Variants in ZRANB3 observed in about 807,000 individuals in gnomAD.
The protein encoded by ZRANB3 is DNA annealing helicase and endonuclease ZRANB3.
In ZRANB3, 125 loss-of-function variants were observed where a neutral mutation model predicts 133.8. The observed-to-expected ratio is 0.93, with a 90% CI of 0.81 to 1.08. The LOEUF (loss-of-function observed/expected upper bound fraction) is 1.08. Ranked by LOEUF, ZRANB3 falls within the 50% of genes least tolerant of loss-of-function variation. ZRANB3 has a pLI of 0.00. For synonymous variants in ZRANB3, 387 were observed against 432.7 expected (o/e 0.89, Z 1.31); for missense variants, 1,229 against 1,275.5 (o/e 0.96, Z 0.56).
intron 8 of ZRANB3, among the ~76,000 whole-genome samples, chr2:135,311,448 A>G (rs943559969): frequency 6.6e-5 from 10 of 152,116 alleles, no homozygotes; most frequent in Non-Finnish European, 1.2e-4. Context: ...CACCAGTTCT[A>G]TTTCCAAGTA....
intron 2 of ZRANB3, among the ~76,000 whole-genome samples, chr2:135,433,943 G>A (rs1689423394): frequency 6.6e-6 from 1 of 152,210 alleles, no homozygotes; most frequent in African/African-American, 2.4e-5. Context: ...GTTGCGGTGA[G>A]TTGAGATAGC....
Position 135,450,650 on chromosome 2 carries a change from C to T in ZRANB3, c.161+53679G>A, listed in dbSNP as rs146523665. On this transcript the variant is annotated intron_variant, in intron 2 of 20. Transcript: ENST00000264159. ...GAAAACAAAGAAACAAAAAAAAATG[C>T]AAAATAAACAATGGGTTTTAAGACA... Among the ~76,000 whole-genome samples the T allele has an allele frequency of 5.8e-3, 887 of 152,132 alleles. 8 individuals carry two copies. Among genetic ancestry groups the T allele is most frequent in the South Asian group, 0.042 (201 of 4,816 alleles).
At chr2:135,284,495 G>T (rs563456367) in intron 8 of ZRANB3, among the ~76,000 whole-genome samples, 2 of 152,070 alleles carry the variant, frequency 1.3e-5, no homozygotes, top group African/African-American at 4.8e-5. Flanking sequence ...CTTTTGAGAC[G>T]GAGTCTCGCT....
intron 12 of ZRANB3, among the ~76,000 whole-genome samples, chr2:135,262,413 C>T (rs762666775): frequency 2.4e-4 from 37 of 151,818 alleles, no homozygotes; most frequent in Middle Eastern, 3.4e-3. Flanking sequence ...TAATTTTATT[C>T]CTATAATTTC....
intron 2 of ZRANB3, among the ~76,000 whole-genome samples, chr2:135,404,854 G>A (rs539082578): frequency 5.3e-5 from 8 of 151,868 alleles, no homozygotes; most frequent in Non-Finnish European, 1.0e-4. Context: ...GCCAAACTAC[G>A]CTGCAAAATC....
chr2:135,404,373 A>C (rs1687903550), intron 2 of ZRANB3, among the ~76,000 whole-genome samples: 1 of 152,226 alleles, frequency 6.6e-6, no homozygotes, highest in Admixed American at 6.5e-5. Flanking sequence ...CAAATGAATG[A>C]AATGAAGCGA....
chr2:135,391,720 C>G (rs897147806), intron 2 of ZRANB3, among the ~76,000 whole-genome samples: 2 of 151,928 alleles, frequency 1.3e-5, no homozygotes, highest in African/African-American at 2.4e-5. Context: ...GCTGGGACTA[C>G]AAGCACCTGT....
At chr2:135,351,078 C>A (rs1245031870) in intron 4 of ZRANB3, among the ~76,000 whole-genome samples, 2 of 151,896 alleles carry the variant, frequency 1.3e-5, no homozygotes, top group Non-Finnish European at 2.9e-5. Context: ...CAAATAAATT[C>A]AATAATACTA....
chr2:135,431,891 T>C (rs1316199185), intron 2 of ZRANB3, among the ~76,000 whole-genome samples: 2 of 152,160 alleles, frequency 1.3e-5, no homozygotes, highest in East Asian at 3.8e-4. Context: ...TAAATAGTTG[T>C]ACGACATTAT....
At chr2:135,342,976 C>G (rs1278428861) in intron 6 of ZRANB3, among the ~76,000 whole-genome samples, 1 of 135,186 alleles carries the variant, frequency 7.4e-6, no homozygotes, top group African/African-American at 3.1e-5. Context: ...ACCAGCCTGG[C>G]CAATATGGCG....
At chr2:135,450,489 G>C (rs888110571) in intron 2 of ZRANB3, among the ~76,000 whole-genome samples, 33 of 152,082 alleles carry the variant, frequency 2.2e-4, no homozygotes, top group African/African-American at 7.7e-4. Flanking sequence ...ACAGCTAGTA[G>C]TAGAAGACCC....
chr2:135,197,368 C>T lies in ZRANB3; in HGVS notation c.*2974G>A, dbSNP rs1693451853. 6.6e-6 allele frequency: 1 copy of T among 152,146 alleles called. No homozygotes were observed. Among genetic ancestry groups the T allele is most frequent in the Non-Finnish European group, 1.5e-5 (1 of 68,024 alleles). 9.4% of individuals were successfully genotyped at this position (152,146 alleles called of 1,614,324 possible). A position where few individuals can be genotyped will look rare whatever the true frequency, so the allele number is the denominator to read the frequency against. ...CCTCATACTTTTATTTCTAAAGAAACTACATTTTAAATGTTTCACTCAAGA... is the reference window on the plus strand; with the variant it reads ...CCTCATACTTTTATTTCTAAAGAAATTACATTTTAAATGTTTCACTCAAGA... On this transcript the variant is annotated 3_prime_UTR_variant, in exon 21 of 21. Transcript: ENST00000264159.
At chr2:135,398,045 T>C (rs1424347331) in intron 2 of ZRANB3, among the ~76,000 whole-genome samples, 1 of 152,090 alleles carries the variant, frequency 6.6e-6, no homozygotes, top group Non-Finnish European at 1.5e-5. Context: ...CCTGTTCTTT[T>C]TCTTTTTGTT....
chr2:135,211,033 AAAAG>A (rs1192233953), intron 17 of ZRANB3, among the ~76,000 whole-genome samples: 1 of 152,144 alleles, frequency 6.6e-6, no homozygotes, highest in African/African-American at 2.4e-5. Flanking sequence ...TGTCTCAAAA[AAAAG>A]AAAGAAAGAA....
intron 2 of ZRANB3, among the ~76,000 whole-genome samples, chr2:135,456,933 T>C (rs549864451): frequency 6.6e-6 from 1 of 152,296 alleles, no homozygotes; most frequent in Non-Finnish European, 1.5e-5. Flanking sequence ...AATTAGTAAA[T>C]TCAATATTTT....
In ZRANB3 at chr2:135,208,177, A is replaced by ACG. The variant is rs141290414; in HGVS notation, c.2607-342_2607-341insCG. 3.7e-4 allele frequency among the ~76,000 whole-genome samples: 57 copies of ACG among 152,278 alleles called. No individual in the cohort carries two copies. The East Asian group carries it at 0.01, about 27-fold the overall frequency. Reference sequence around the variant, plus strand: ...AAGGACAGGCTAATGTAAAACCCCAACCAAAGCTTAGTGGCTACCCTGCTC... The same window carrying ACG: ...AAGGACAGGCTAATGTAAAACCCCAACGCCAAAGCTTAGTGGCTACCCTGCTC... On this transcript the variant is annotated intron_variant, in intron 18 of 20. Transcript: ENST00000264159.
chr2:135,231,488 G>A (rs112636523), intron 12 of ZRANB3, among the ~76,000 whole-genome samples: 9 of 152,080 alleles, frequency 5.9e-5, no homozygotes, highest in Admixed American at 1.3e-4. Context: ...GGCTGGGTGC[G>A]GTGGCTCATG....
intron 2 of ZRANB3, among the ~76,000 whole-genome samples, chr2:135,433,792 C>T (rs1198093517): frequency 1.3e-5 from 2 of 152,050 alleles, no homozygotes; most frequent in African/African-American, 4.8e-5. Flanking sequence ...GTCAGGAGAT[C>T]GAGACCATCT....
At chr2:135,384,276 C>A (rs995738817) in intron 3 of ZRANB3, among the ~76,000 whole-genome samples, 2 of 152,228 alleles carry the variant, frequency 1.3e-5, no homozygotes, top group South Asian at 2.1e-4. Context: ...CACATACACT[C>A]TCCCAAGACT....
Sources: allele counts gnomAD v4.1 joint callset (sites outside exome capture counted in the v4.1 genomes callset), GRCh38; gene constraint gnomAD v4.1.1; transcripts MANE v1.5; gene names NCBI Gene and HGNC (gene_info 2026-07-23, HGNC 2026-07-21).